WDSUB1: variants seen among roughly 807,000 people sequenced by gnomAD.
WDSUB1 encodes the protein WD repeat, SAM and U-box domain-containing protein 1.
A neutral mutation model predicts 53.9 loss-of-function variants in WDSUB1; 49 were observed. The observed-to-expected ratio is 0.91, with a 90% CI of 0.72 to 1.15. The LOEUF is 1.15. WDSUB1 is among the 50% of genes most tolerant of loss of function. The probability of loss-of-function intolerance (pLI) is 0.00; values close to 1 mark genes in which losing one functional copy is unlikely to be tolerated. For synonymous variants in WDSUB1, 194 were observed against 200.6 expected, an observed-to-expected ratio of 0.97 and a Z score of 0.28; for missense variants, 514 against 562.0, an observed-to-expected ratio of 0.91 and a Z score of 0.86.
intron 9 of WDSUB1, among the ~76,000 whole-genome samples, chr2:159,249,212 C>T (rs138006741): frequency 3.3e-5 from 5 of 152,224 alleles, no homozygotes; most frequent in East Asian, 3.9e-4. Flanking sequence ...TGCCATGTTA[C>T]GATATTTTTA....
In WDSUB1 at chr2:159,282,889, A is replaced by G; in HGVS notation, c.181T>C (p.Cys61Arg). Reference sequence around the variant, plus strand: ...AAAATATGTCCTGAAGGGGAGAAACAGCAGCAGTGGACAGCATAGGTATGA... The same window carrying G: ...AAAATATGTCCTGAAGGGGAGAAACGGCAGCAGTGGACAGCATAGGTATGA... ...KFHTYAVHCCCFSPSGHILAS... is the reference protein window; with the variant it reads ...KFHTYAVHCCRFSPSGHILAS... The change falls in exon 2 of 11, where the codon TGT becomes CGT. Residue 61 changes from cysteine to arginine, a missense_variant. Transcript: ENST00000359774. 6.2e-7 allele frequency: 1 copy of G among 1,614,210 alleles called. No individual in the cohort carries two copies. The highest frequency in any genetic ancestry group is 8.5e-7 in the Non-Finnish European group (1 of 1,180,040).
chr2:159,252,147 A>ATTTT (rs142279456), intron 9 of WDSUB1, among the ~76,000 whole-genome samples: 76,406 of 151,898 alleles, frequency 0.5, 19,939 homozygotes, highest in Non-Finnish European at 0.55. Context: ...AAAATTAAAA[A>ATTTT]TTAATTTAAA....
chr2:159,277,705 C>T (rs906231702), intron 3 of WDSUB1, among the ~76,000 whole-genome samples: 17 of 151,404 alleles, frequency 1.1e-4, no homozygotes, highest in African/African-American at 2.9e-4. Flanking sequence ...ATAACAAATA[C>T]GAAATTAAAC....
At position 159,265,102 on chromosome 2, in the gene WDSUB1, AAACAACAAC is replaced by A. The variant is rs139666411; in HGVS notation, c.771-5268_771-5260del. ...TCCATCTCAAAAAAAAAAAAAAATA[AAACAACAAC>A]AACAACAACAACAAAAAAAAACAAC... On this transcript the variant is annotated intron_variant, in intron 5 of 10. Transcript: ENST00000359774. Among the ~76,000 whole-genome samples, 7 of 146,514 alleles carry A rather than the reference AAACAACAAC, an allele frequency of 4.8e-5. No individual in the cohort carries two copies. In the South Asian group the frequency reaches 8.8e-4, roughly 18 times the overall value.
At chr2:159,281,977 C>CA (rs2061674487) in intron 2 of WDSUB1, among the ~76,000 whole-genome samples, 1 of 151,464 alleles carries the variant, frequency 6.6e-6, no homozygotes, top group Non-Finnish European at 1.5e-5. Flanking sequence ...AACTCTGTCT[C>CA]AAAAAAGAAA....
intron 9 of WDSUB1, among the ~76,000 whole-genome samples, chr2:159,250,108 G>C (rs113193373): frequency 0.3 from 36,776 of 122,050 alleles, 8,554 homozygotes; most frequent in Non-Finnish European, 0.46. Flanking sequence ...AAAAAAAAAA[G>C]AAGGGAAGGG....
chr2:159,243,979 C>T (rs1201783774), intron 10 of WDSUB1, among the ~76,000 whole-genome samples: 2 of 152,020 alleles, frequency 1.3e-5, no homozygotes, highest in Non-Finnish European at 2.9e-5. Flanking sequence ...GAGAGAGACA[C>T]GTTATGATCC....
intron 9 of WDSUB1, among the ~76,000 whole-genome samples, chr2:159,253,914 C>A (rs956585239): frequency 1.3e-5 from 2 of 152,068 alleles, no homozygotes; most frequent in African/African-American, 4.8e-5. Flanking sequence ...TTGCAAAAAC[C>A]TTAAAATACA....
At chr2:159,274,750 T>A (rs905626751) in intron 4 of WDSUB1, among the ~76,000 whole-genome samples, 1 of 152,248 alleles carries the variant, frequency 6.6e-6, no homozygotes, top group South Asian at 2.1e-4. Flanking sequence ...CTAAACATTG[T>A]CTAATTCTTA....
chr2:159,240,072 C>T (rs545801043), intron 10 of WDSUB1, among the ~76,000 whole-genome samples: 3 of 152,274 alleles, frequency 2.0e-5, no homozygotes, highest in African/African-American at 4.8e-5. Flanking sequence ...GCCCCCGCAG[C>T]GTGTGGCCAC....
intron 2 of WDSUB1, among the ~76,000 whole-genome samples, chr2:159,281,512 GT>G (rs113168313): frequency 0.051 from 7,794 of 152,196 alleles, 374 homozygotes; most frequent in African/African-American, 0.11. Context: ...AAATTAATTG[GT>G]TTTTTCCAAA....
chr2:159,283,885 G>C (rs1385891152), intron 1 of WDSUB1, among the ~76,000 whole-genome samples: 1 of 152,190 alleles, frequency 6.6e-6, no homozygotes, highest in Non-Finnish European at 1.5e-5. Flanking sequence ...CATGTTCTCA[G>C]GTCACTGCAA....
At chr2:159,248,048 G>C (rs1297321734) in intron 10 of WDSUB1, among the ~76,000 whole-genome samples, 1 of 149,448 alleles carries the variant, frequency 6.7e-6, no homozygotes, top group Non-Finnish European at 1.5e-5. Flanking sequence ...CTTTGTAGAA[G>C]ATTGTTTAAA....
chr2:159,235,943 GTTTTGC>G lies in WDSUB1; in HGVS notation c.*84_*89del. ...AATTTAAGAAGTTTACCTTTTTCCT[GTTTTGC>G]TTTTAATAATGTCTGATTAGTATTT... On this transcript the variant is annotated 3_prime_UTR_variant, in exon 11 of 11. Coordinates refer to ENST00000359774, the MANE Select transcript of WDSUB1 (RefSeq NM_001128212.3). The G allele has an allele frequency of 8.2e-7, 1 of 1,225,810 alleles. No individual in the cohort carries two copies. Among genetic ancestry groups the G allele is most frequent in the Non-Finnish European group, 1.1e-6 (1 of 939,586 alleles). 75.9% of individuals were successfully genotyped at this position (1,225,810 alleles called of 1,614,324 possible).
At chr2:159,276,372 A>G (rs1175802608) in intron 3 of WDSUB1, among the ~76,000 whole-genome samples, 4 of 152,158 alleles carry the variant, frequency 2.6e-5, no homozygotes, top group Admixed American at 6.5e-5. Context: ...AGTCATATCA[A>G]TTTCTTAAAA....
chr2:159,256,403 A>G, intron 8 of WDSUB1, 28 bp from the exon 9 acceptor site: 2 of 1,576,342 alleles, frequency 1.3e-6, no homozygotes, highest in Non-Finnish European at 8.6e-7. Context: ...AGTAAGTGAG[A>G]TAACAAAAAA....
intron 5 of WDSUB1, among the ~76,000 whole-genome samples, chr2:159,267,670 A>T (rs1243779573): frequency 6.6e-6 from 1 of 152,118 alleles, no homozygotes; most frequent in Non-Finnish European, 1.5e-5. Context: ...CTAGCCACTT[A>T]TATTCATATA....
chr2:159,247,418 A>C (rs915052605), intron 10 of WDSUB1, among the ~76,000 whole-genome samples: 5 of 152,198 alleles, frequency 3.3e-5, no homozygotes, highest in African/African-American at 4.8e-5. Flanking sequence ...CTCCCTAGCC[A>C]AGTAAGGACT....
chr2:159,264,264 G>A lies in WDSUB1; in HGVS notation c.771-4421C>T, dbSNP rs1042544693. ...GCAATCTAGCATCTGATAACCCTCC[G>A]TGATACACAGATGGCAACGTGTCCT... On this transcript the variant is annotated intron_variant, in intron 5 of 10. Coordinates refer to ENST00000359774, the MANE Select transcript of WDSUB1 (RefSeq NM_001128212.3). Among the ~76,000 whole-genome samples, 11 of 152,262 alleles carry A rather than the reference G, an allele frequency of 7.2e-5. No individual in the cohort carries two copies. In the East Asian group the frequency reaches 1.5e-3, roughly 21 times the overall value.
Sources: gnomAD v4.1 joint callset for allele counts (sites outside exome capture counted in the v4.1 genomes callset) on GRCh38, gnomAD v4.1.1 for gene constraint, MANE v1.5 for transcripts, NCBI Gene and HGNC (gene_info 2026-07-23, HGNC 2026-07-21) for gene names.